Variants in NUCB1 observed in about 807,000 individuals in gnomAD.
The protein encoded by NUCB1 is nucleobindin 1.
In NUCB1, 47 loss-of-function variants were observed where a neutral mutation model predicts 61.2. The ratio of observed to expected loss-of-function variants is 0.77; its 90% CI spans 0.61 to 0.98. The LOEUF is 0.98. NUCB1 is among the 50% of genes least tolerant of loss of function. The probability of loss-of-function intolerance (pLI) is 0.00; values close to 1 mark genes in which losing one functional copy is unlikely to be tolerated. For missense variants in NUCB1, 583 were observed against 605.3 expected (o/e 0.96, Z 0.39); for synonymous variants, 234 against 243.1 (o/e 0.96, Z 0.35).
chr19:48,903,710 G>A (rs1600051122), intron 2 of NUCB1, among the ~76,000 whole-genome samples: 1 of 125,964 alleles, frequency 7.9e-6, no homozygotes, highest in South Asian at 2.9e-4. Flanking sequence ...GGATGGATGG[G>A]TGGGTGGATG....
rs1672680527 is a variant in NUCB1, at chr19:48,919,042, T to C, written c.829T>C (p.Tyr277His). 1 of 1,613,778 alleles carries C rather than the reference T, an allele frequency of 6.2e-7. No homozygotes were observed. The highest frequency in any genetic ancestry group is 1.3e-5 in the African/African-American group (1 of 74,878). Residue 277 changes from tyrosine (Y) to histidine (H), a missense_variant, in exon 9 of 13, where the codon TAC becomes CAC. Physicochemically the swap from Tyr to His is moderately conservative, Grantham distance 83. Coordinates refer to ENST00000405315, the MANE Select transcript of NUCB1 (RefSeq NM_006184.6). Reference sequence around the variant, plus strand: ...CTTGCTCCTGCAGCTGGAGAAAGTGTACGACCCAAAGAATGAGGAGGACGA... The same window carrying C: ...CTTGCTCCTGCAGCTGGAGAAAGTGCACGACCCAAAGAATGAGGAGGACGA... ...ALFTKELEKVYDPKNEEDDMR... is the reference protein window; with the variant it reads ...ALFTKELEKVHDPKNEEDDMR...
intron 7 of NUCB1, 132 bp downstream of exon 7, chr19:48,913,696 G>A: frequency 1.4e-6 from 1 of 694,514 alleles, no homozygotes; most frequent in Non-Finnish European, 2.6e-6. Context: ...TATGTCCCCT[G>A]GTTGACCAGA....
At position 48,921,059 on chromosome 19, in the gene NUCB1, C is replaced by T. The variant is rs2037603661; in HGVS notation, c.1003-95C>T. On this transcript the variant is annotated intron_variant, in intron 10 of 12. Coordinates refer to ENST00000405315, the MANE Select transcript of NUCB1 (RefSeq NM_006184.6). The stretch of plus-strand genomic sequence containing the variant: ...ACCCACATGGCCCTGGCCTCCCAGC[C>T]TCCTCTACACCTCCCCCATTGGCAC... 2.1e-5 allele frequency: 29 copies of T among 1,387,188 alleles called. No homozygotes were observed. The South Asian group carries it at 4.1e-4, about 19-fold the overall frequency. The allele number at this position is 1,387,188 out of a possible 1,614,324, so 85.9% of individuals were successfully genotyped here. A position where few individuals can be genotyped will look rare whatever the true frequency, so the allele number is the denominator to read the frequency against.
At chr19:48,914,196 G>A (rs768165774) in intron 7 of NUCB1, among the ~76,000 whole-genome samples, 45 of 151,904 alleles carry the variant, frequency 3.0e-4, no homozygotes, top group Admixed American at 1.2e-3. Flanking sequence ...GGCTGGTCTC[G>A]AACTCCCAAC....
Position 48,905,742 on chromosome 19 carries a change from T to C in NUCB1, c.244-11T>C. ...GGCCCCCAGGCTGACCAGGGTCTCC[T>C]CTCCTGTCAGAGCGGGAAGCTGAGC... On this transcript the variant is annotated splice_polypyrimidine_tract_variant and intron_variant, in intron 3 of 12. Coordinates refer to ENST00000405315, the MANE Select transcript of NUCB1 (RefSeq NM_006184.6). The C allele has an allele frequency of 6.2e-7, 1 of 1,613,928 alleles. No homozygotes were observed. The highest frequency in any genetic ancestry group is 8.5e-7 in the Non-Finnish European group (1 of 1,180,008).
rs144214212 is a variant in NUCB1 at position 48,915,810 on chromosome 19, G to A, written c.757+2246G>A. On this transcript the variant is annotated intron_variant, in intron 7 of 12. Transcript: ENST00000405315. ...GCCATCCCACCGGGCACCACCCCCC[G>A]TGTTTTGTTTTGTTTTTTTTTTGAG... 4.9e-3 allele frequency among the ~76,000 whole-genome samples: 736 copies of A among 151,536 alleles called. 3 individuals are homozygous for A. The highest frequency in any genetic ancestry group is 0.015 in the African/African-American group (628 of 41,328).
chr19:48,919,995 C>G (rs1044400331), intron 10 of NUCB1, among the ~76,000 whole-genome samples: 2 of 152,060 alleles, frequency 1.3e-5, no homozygotes, highest in Non-Finnish European at 2.9e-5. Flanking sequence ...TCTAGAACTG[C>G]TGGACTCAAG....
chr19:48,916,063 G>A (rs1600064668), intron 7 of NUCB1, among the ~76,000 whole-genome samples: 1 of 151,870 alleles, frequency 6.6e-6, no homozygotes, highest in African/African-American at 2.4e-5. Flanking sequence ...TAAACCACTC[G>A]CCCTCCCCTT....
intron 10 of NUCB1, among the ~76,000 whole-genome samples, chr19:48,919,516 C>T (rs1016768580): frequency 3.8e-4 from 58 of 151,466 alleles, no homozygotes; most frequent in African/African-American, 1.3e-3. Context: ...CTCACTCCAT[C>T]GCCCAGGCTG....
At chr19:48,908,770 C>A (rs984957638) in intron 4 of NUCB1, among the ~76,000 whole-genome samples, 18 of 138,124 alleles carry the variant, frequency 1.3e-4, no homozygotes, top group South Asian at 2.3e-4. Flanking sequence ...GTGTCTTTCT[C>A]CCCACCTAAC....
In NUCB1 at chr19:48,921,154, A is replaced by T; in HGVS notation, c.1003A>T (p.Thr335Ser). The change falls in exon 11 of 13, where the codon ACA becomes TCA. Residue 335 changes from threonine to serine, a missense_variant and splice_region_variant. Physicochemically the swap from Thr to Ser is moderately conservative, Grantham distance 58. Transcript: ENST00000405315. ...EFGDTGEGWE[T>S]VEMHPAYTEE... ...GATGGCCCCTGTGCCTGCCCTGCAG[A>T]CAGTGGAGATGCACCCTGCCTACAC... is the stretch of plus-strand genomic sequence containing the variant. 6.2e-7 allele frequency: 1 copy of T among 1,604,608 alleles called. No homozygotes were observed. The highest frequency in any genetic ancestry group is 8.5e-7 in the Non-Finnish European group (1 of 1,173,982).
intron 7 of NUCB1, among the ~76,000 whole-genome samples, chr19:48,916,498 T>C (rs1352943097): frequency 6.6e-6 from 1 of 152,024 alleles, no homozygotes; most frequent in Admixed American, 6.6e-5. Flanking sequence ...CGTGCATCTG[T>C]AGTCCCAGCT....
intron 7 of NUCB1, among the ~76,000 whole-genome samples, chr19:48,917,950 C>A (rs1042128324): frequency 3.3e-5 from 5 of 151,892 alleles, no homozygotes; most frequent in African/African-American, 1.2e-4. Flanking sequence ...CCTACATTTT[C>A]TTTAATCTTA....
chr19:48,919,839 G>C (rs1311571739), intron 10 of NUCB1, among the ~76,000 whole-genome samples: 2 of 146,808 alleles, frequency 1.4e-5, no homozygotes, highest in Non-Finnish European at 3.0e-5. Flanking sequence ...TGGGATCTCG[G>C]CTCACTGCAA....
intron 7 of NUCB1, among the ~76,000 whole-genome samples, chr19:48,917,798 AT>A (rs1306908307): frequency 2.8e-5 from 4 of 142,372 alleles, no homozygotes; most frequent in African/African-American, 1.1e-4. Flanking sequence ...ACCCGGCCCA[AT>A]TTTTTACTTT....
intron 7 of NUCB1, among the ~76,000 whole-genome samples, chr19:48,916,303 G>T (rs2037539253): frequency 6.6e-6 from 1 of 152,074 alleles, no homozygotes; most frequent in South Asian, 2.1e-4. Flanking sequence ...CTGCTGTACT[G>T]GAGTCCCAGC....
intron 5 of NUCB1, 65 bp downstream of exon 5, chr19:48,911,317 G>C: frequency 8.6e-7 from 1 of 1,159,864 alleles, no homozygotes; most frequent in East Asian, 2.4e-5. Context: ...GAAGGGGACA[G>C]AGTCCCAGAC....
At chr19:48,902,062 G>A (rs1294742258) in intron 2 of NUCB1, among the ~76,000 whole-genome samples, 1 of 152,178 alleles carries the variant, frequency 6.6e-6, no homozygotes, top group Non-Finnish European at 1.5e-5. Context: ...AAGACAAAGG[G>A]CAGGGCTCTA....
chr19:48,911,405 CTTTTT>C (rs1163076168), intron 5 of NUCB1, among the ~76,000 whole-genome samples, 153 bp downstream of exon 5: 1 of 104,438 alleles, frequency 9.6e-6, no homozygotes, highest in African/African-American at 4.1e-5. Flanking sequence ...CTTTTCTTTT[CTTTTT>C]TTTTTTTTTT....
Sources: gnomAD v4.1 joint callset for allele counts (sites outside exome capture counted in the v4.1 genomes callset) on GRCh38, gnomAD v4.1.1 for gene constraint, MANE v1.5 for transcripts, NCBI Gene and HGNC (gene_info 2026-07-23, HGNC 2026-07-21) for gene names.